Variants in ABCA13 observed in about 807,000 individuals in gnomAD.
ABCA13 encodes the protein ATP binding cassette subfamily A member 13.
In ABCA13, 476 loss-of-function variants were observed where a neutral mutation model predicts 478.7. That is an observed-to-expected ratio of 0.99 (90% CI 0.92 to 1.07). ABCA13 has a LOEUF of 1.07. Among genes scored for constraint, ABCA13 ranks in the 50% least tolerant of loss-of-function variants. The pLI is 0.00. For synonymous variants in ABCA13, 2,252 were observed against 2,158.9 expected (o/e 1.04, Z -1.20); for missense variants, 6,060 against 5,910.6 (o/e 1.03, Z -0.83).
At chr7:48,423,610 A>C (rs1821054278) in intron 41 of ABCA13, among the ~76,000 whole-genome samples, 1 of 152,230 alleles carries the variant, frequency 6.6e-6, no homozygotes, top group Non-Finnish European at 1.5e-5. Flanking sequence ...ATAAATGCCT[A>C]GACCTCAAAG....
At chr7:48,225,135 G>GCCTGCCTGCCTGCCTGCCTGCCTT (rs1312566145) in intron 5 of ABCA13, among the ~76,000 whole-genome samples, 91 of 69,884 alleles carry the variant, frequency 1.3e-3, no homozygotes, top group Middle Eastern at 7.4e-3. Flanking sequence ...CTGCCTGCCT[G>GCCTGCCTGCCTGCCTGCCTGCCTT]CCTTCCTTCC....
At chr7:48,201,312 C>T (rs139751037) in intron 3 of ABCA13, among the ~76,000 whole-genome samples, 141 of 152,314 alleles carry the variant, frequency 9.3e-4, no homozygotes, top group Middle Eastern at 6.8e-3. Flanking sequence ...GATTATACTC[C>T]ACTGCTTCAA....
At chr7:48,367,647 G>A in intron 31 of ABCA13, 147 bp from the exon 32 acceptor site, 1 of 634,078 alleles carries the variant, frequency 1.6e-6, no homozygotes, top group South Asian at 1.7e-5. Context: ...CACCAATCAT[G>A]GCCCTCCTAC....
chr7:48,560,061 T>C (rs887216727), intron 55 of ABCA13, among the ~76,000 whole-genome samples: 3 of 152,200 alleles, frequency 2.0e-5, no homozygotes, highest in African/African-American at 7.2e-5. Context: ...GTCCACTGGC[T>C]GTAATCCCAG....
Position 48,352,298 on chromosome 7 carries a change from T to C in ABCA13, c.10499T>C (p.Val3500Ala), listed in dbSNP as rs1299642777. The C allele has an allele frequency of 3.7e-6, 6 of 1,613,886 alleles. No individual in the cohort carries two copies. Among genetic ancestry groups the C allele is most frequent in the Non-Finnish European group, 5.1e-6 (6 of 1,179,886 alleles). The change falls in exon 31 of 62, where the codon GTG becomes GCG. Residue 3500 changes from valine to alanine, a missense_variant. Coordinates refer to ENST00000435803, the MANE Select transcript of ABCA13 (RefSeq NM_152701.5). The part of the protein sequence containing the change: ...TNVLYSVRTD[V>A]VKNPSWKFHP... ...GTGTTATACAGCGTGCGAACAGATG[T>C]GGTAAAAAACCCTTCTTGGAAGTTC...
At chr7:48,277,041 G>T (rs544411405) in intron 17 of ABCA13, among the ~76,000 whole-genome samples, 15 of 152,242 alleles carry the variant, frequency 9.9e-5, no homozygotes, top group African/African-American at 3.6e-4. Flanking sequence ...TAAAAATCTC[G>T]TTTGAAGTTT....
intron 55 of ABCA13, among the ~76,000 whole-genome samples, chr7:48,544,603 A>G (rs572929109): frequency 3.5e-4 from 53 of 151,996 alleles, no homozygotes; most frequent in African/African-American, 1.2e-3. Context: ...GTTCCCAGAG[A>G]GGGATGGAAG....
chr7:48,405,850 A>C (rs1052821668), intron 39 of ABCA13, among the ~76,000 whole-genome samples: 16 of 151,912 alleles, frequency 1.1e-4, no homozygotes, highest in Admixed American at 9.2e-4. Flanking sequence ...TTGTTTAGCA[A>C]TTTTTTTTGT....
chr7:48,374,392 A>G lies in ABCA13; in HGVS notation c.11179A>G (p.Thr3727Ala). ...TAFGQGVFFITFLEGQETGIQ... is the reference protein window; with the variant it reads ...TAFGQGVFFIAFLEGQETGIQ... ...CTTTGGACAAGGGGTATTTTTTATT[A>G]CATTCCTGGAAGGACAAGAGACAGG... is the stretch of plus-strand genomic sequence containing the variant. The change falls in exon 34 of 62, where the codon ACA becomes GCA. Residue 3727 changes from threonine (T) to alanine (A), a missense_variant. By Grantham distance (58) the Thr-to-Ala change is moderately conservative. Around this residue, in one of 3 missense-constraint regions of ABCA13, gnomAD observed 4,423 missense variants for 4,309.1 expected, o/e 1.03. Transcript: ENST00000435803. 1 of 1,610,160 alleles carries G rather than the reference A, an allele frequency of 6.2e-7. No homozygotes were observed. The highest frequency in any genetic ancestry group is 8.5e-7 in the Non-Finnish European group (1 of 1,178,382).
At position 48,380,880 on chromosome 7, in the gene ABCA13, T is replaced by C. The variant is rs568241974; in HGVS notation, c.11335+4308T>C. Among the ~76,000 whole-genome samples the C allele has an allele frequency of 9.2e-5, 14 of 152,218 alleles. No individual in the cohort carries two copies. The South Asian group carries it at 2.9e-3, about 32-fold the overall frequency. ...GAGCCCACGCCCCTACCACCTGCTG[T>C]ACGGGGCGATCACACTCGGGGTCAC... On this transcript the variant is annotated intron_variant, in intron 35 of 61. Coordinates refer to ENST00000435803, the MANE Select transcript of ABCA13 (RefSeq NM_152701.5).
Position 48,295,833 on chromosome 7 carries a change from G to A in ABCA13, c.9089G>A (p.Arg3030Lys), listed in dbSNP as rs1483400096. 3 of 1,613,320 alleles carry A rather than the reference G, an allele frequency of 1.9e-6. No homozygotes were observed. The highest frequency in any genetic ancestry group is 1.6e-4 in the Middle Eastern group (1 of 6,062). Residue 3030 changes from arginine (R) to lysine (K), a missense_variant, in exon 21 of 62, where the codon AGG (arginine) becomes AAG (lysine). Around this residue, in one of 3 missense-constraint regions of ABCA13, gnomAD observed 4,423 missense variants for 4,309.1 expected, o/e 1.03. Coordinates refer to ENST00000435803, the MANE Select transcript of ABCA13 (RefSeq NM_152701.5). ...GGCCAGGACTGCACAAGCCAGCCGA[G>A]GCTGGAGACGGTGCAGCAGCACTTG... is the stretch of plus-strand genomic sequence containing the variant. ...ATGQDCTSQP[R>K]LETVQQHLYM...
intron 43 of ABCA13, among the ~76,000 whole-genome samples, chr7:48,456,404 G>A (rs916318748): frequency 6.6e-6 from 1 of 152,044 alleles, no homozygotes; most frequent in South Asian, 2.1e-4. Flanking sequence ...ACTATAAAAG[G>A]GCTATCACTA....
intron 2 of ABCA13, among the ~76,000 whole-genome samples, chr7:48,196,679 T>C (rs1283491349): frequency 6.6e-6 from 1 of 152,132 alleles, no homozygotes; most frequent in African/African-American, 2.4e-5. Flanking sequence ...GGAGACAAAG[T>C]GTGCCCAGGG....
chr7:48,387,181 C>T (rs1024995257), intron 35 of ABCA13, among the ~76,000 whole-genome samples: 2 of 151,768 alleles, frequency 1.3e-5, no homozygotes, highest in Non-Finnish European at 2.9e-5. Context: ...AGGTAAGTTA[C>T]GTTCATCAAA....
intron 59 of ABCA13, among the ~76,000 whole-genome samples, chr7:48,642,965 C>G (rs1320084297): frequency 3.3e-5 from 5 of 152,168 alleles, no homozygotes; most frequent in African/African-American, 1.2e-4. Flanking sequence ...AGTTTCCAGC[C>G]CAGCTTCCCA....
chr7:48,239,341 C>T lies in ABCA13; in HGVS notation c.998C>T (p.Pro333Leu), dbSNP rs568824703. ...TGGGGCCACGTTGGAGGCTGCCACC[C>T]TAAGTGGTCAGAAGCCAAAAACTAT... ...EKWGHVGGCH[P>L]KWSEAKNYLV... is the part of the protein sequence containing the mutation. The change falls in exon 9 of 62, where the codon CCT becomes CTT. Residue 333 changes from proline (P) to leucine (L), a missense_variant. Transcript: ENST00000435803. The T allele has an allele frequency of 1.2e-6, 2 of 1,613,816 alleles. No individual in the cohort carries two copies. Among genetic ancestry groups the T allele is most frequent in the Non-Finnish European group, 1.7e-6 (2 of 1,179,844 alleles).
intron 3 of ABCA13, among the ~76,000 whole-genome samples, chr7:48,212,858 A>G (rs1461845798): frequency 6.6e-6 from 1 of 152,144 alleles, no homozygotes; most frequent in Admixed American, 6.5e-5. Flanking sequence ...CATATTATAC[A>G]TGTATTGCAA....
At chr7:48,510,789 T>G (rs1162981802) in intron 50 of ABCA13, among the ~76,000 whole-genome samples, 18 of 152,148 alleles carry the variant, frequency 1.2e-4, no homozygotes, top group Non-Finnish European at 1.5e-5. Flanking sequence ...ACCAGTCATG[T>G]TGGATGAGGG....
At chr7:48,233,268 G>A (rs1480299736) in intron 7 of ABCA13, among the ~76,000 whole-genome samples, 1 of 152,154 alleles carries the variant, frequency 6.6e-6, no homozygotes, top group Non-Finnish European at 1.5e-5. Flanking sequence ...AAGGGGCTCA[G>A]TCAATGGGTG....
Sources: allele counts gnomAD v4.1 joint callset (sites outside exome capture counted in the v4.1 genomes callset), GRCh38; gene constraint gnomAD v4.1.1; regional missense constraint gnomAD v4.1.1; transcripts MANE v1.5; gene names NCBI Gene and HGNC (gene_info 2026-07-23, HGNC 2026-07-21).